Variants in AP3S1 observed in about 807,000 individuals in gnomAD.
The protein encoded by AP3S1 is AP-3 complex subunit sigma-1.
Under a neutral mutation model 21.3 loss-of-function variants are expected in AP3S1, and 12 were observed. The observed-to-expected ratio is 0.56, with a 90% CI of 0.36 to 0.91. The LOEUF is 0.91. AP3S1 is among the 40% of genes least tolerant of loss of function. The pLI is 0.01. For synonymous variants in AP3S1, 48 were observed against 78.4 expected, an observed-to-expected ratio of 0.61 and a Z score of 2.05; for missense variants, 116 against 225.0, an observed-to-expected ratio of 0.52 and a Z score of 3.10.
intron 1 of AP3S1, chr5:115,852,882 C>T (rs1025521635): frequency 2.6e-5 from 9 of 348,374 alleles, no homozygotes; most frequent in Non-Finnish European, 4.6e-5. Context: ...AATTGATGGA[C>T]ATCTGGGTTG....
At chr5:115,851,721 C>G (rs539638894) in intron 1 of AP3S1, among the ~76,000 whole-genome samples, 9 of 152,044 alleles carry the variant, frequency 5.9e-5, no homozygotes, top group African/African-American at 1.9e-4. Flanking sequence ...TATCAGTCTC[C>G]TGTTGTATAT....
chr5:115,878,541 G>T (rs574067167), intron 3 of AP3S1, among the ~76,000 whole-genome samples: 2 of 152,248 alleles, frequency 1.3e-5, no homozygotes, highest in Admixed American at 1.3e-4. Flanking sequence ...CCTCTGTCCT[G>T]TTCCCTTGGT....
At chr5:115,883,268 A>T (rs1009279759) in intron 3 of AP3S1, among the ~76,000 whole-genome samples, 2 of 152,172 alleles carry the variant, frequency 1.3e-5, no homozygotes, top group African/African-American at 2.4e-5. Flanking sequence ...AAACTCCTGC[A>T]GCTAGGTTGG....
At chr5:115,864,165 G>A (rs1195713146) in intron 1 of AP3S1, among the ~76,000 whole-genome samples, 48 of 152,194 alleles carry the variant, frequency 3.2e-4, no homozygotes, top group Admixed American at 3.1e-3. Context: ...TAATCCCTGA[G>A]CCTTGAAGGG....
intron 4 of AP3S1, among the ~76,000 whole-genome samples, chr5:115,901,526 A>C (rs1385819601): frequency 6.6e-6 from 1 of 151,762 alleles, no homozygotes. Context: ...CCATGCTTCC[A>C]AAATGAAAAA....
rs527815472 is a variant in AP3S1, at chr5:115,854,492, C to G, written c.70-12178C>G. Among the ~76,000 whole-genome samples the G allele has an allele frequency of 2.0e-5, 3 of 152,204 alleles. No individual in the cohort carries two copies. The East Asian group carries it at 5.8e-4, about 29-fold the overall frequency. ...TTTGGGATTTGAGGATACTGCTATC[C>G]TGATTGCTGGTTCTTTGCACACTCT... is the stretch of plus-strand genomic sequence containing the variant. On this transcript the variant is annotated intron_variant, in intron 1 of 5. Transcript: ENST00000316788.
rs1197035726 is a variant in AP3S1 at position 115,841,937 on chromosome 5, G to C, written c.-101G>C. 1 of 1,505,326 alleles carries C rather than the reference G, an allele frequency of 6.6e-7. No individual in the cohort carries two copies. The highest frequency in any genetic ancestry group is 8.9e-7 in the Non-Finnish European group (1 of 1,127,248). The allele number at this position is 1,505,326 out of a possible 1,614,324, so 93.2% of individuals were successfully genotyped here. On this transcript the variant is annotated 5_prime_UTR_variant, in exon 1 of 6. Coordinates refer to ENST00000316788, the MANE Select transcript of AP3S1 (RefSeq NM_001284.4). ...GAGCGCGCGCGGTCGCGTGCGGGAG[G>C]GGGCGGGTGGGGAAGGATCGCAGGC...
chr5:115,878,053 T>G (rs1441582340), intron 3 of AP3S1, among the ~76,000 whole-genome samples: 1 of 152,222 alleles, frequency 6.6e-6, no homozygotes. Flanking sequence ...GATTGTTTGC[T>G]TTTTCCTTGT....
At chr5:115,849,440 G>A (rs1397384494) in intron 1 of AP3S1, among the ~76,000 whole-genome samples, 1 of 152,200 alleles carries the variant, frequency 6.6e-6, no homozygotes, top group East Asian at 1.9e-4. Flanking sequence ...CACACTTGAT[G>A]TGTTCAGGAA....
At chr5:115,858,427 C>T (rs1160371140) in intron 1 of AP3S1, among the ~76,000 whole-genome samples, 2 of 152,022 alleles carry the variant, frequency 1.3e-5, no homozygotes, top group African/African-American at 4.8e-5. Flanking sequence ...TCATTTATAC[C>T]TTCCAAAAAG....
chr5:115,847,053 G>C (rs1762116405), intron 1 of AP3S1, among the ~76,000 whole-genome samples: 1 of 152,074 alleles, frequency 6.6e-6, no homozygotes, highest in Non-Finnish European at 1.5e-5. Flanking sequence ...TTATCCAAAG[G>C]CTGTTTTTCT....
intron 1 of AP3S1, among the ~76,000 whole-genome samples, chr5:115,858,197 C>T (rs911067141): frequency 6.6e-6 from 1 of 152,110 alleles, no homozygotes; most frequent in East Asian, 1.9e-4. Context: ...CCAGTAATAC[C>T]CTCCAGCAAT....
At chr5:115,846,658 T>C (rs188044802) in intron 1 of AP3S1, among the ~76,000 whole-genome samples, 1 of 152,130 alleles carries the variant, frequency 6.6e-6, no homozygotes, top group Admixed American at 6.5e-5. Flanking sequence ...GATCCATCCA[T>C]GTTCACTCAT....
chr5:115,869,756 T>C (rs982529712), intron 2 of AP3S1, among the ~76,000 whole-genome samples: 1 of 152,214 alleles, frequency 6.6e-6, no homozygotes, highest in African/African-American at 2.4e-5. Flanking sequence ...CTACCAGTGC[T>C]TGGCACATAG....
intron 3 of AP3S1, among the ~76,000 whole-genome samples, chr5:115,886,660 T>C (rs937934883): frequency 6.6e-6 from 1 of 152,202 alleles, no homozygotes; most frequent in African/African-American, 2.4e-5. Flanking sequence ...AGTCAAAAGT[T>C]GTACGCAGAT....
intron 4 of AP3S1, among the ~76,000 whole-genome samples, chr5:115,897,464 T>C (rs1378450604): frequency 6.6e-6 from 1 of 152,198 alleles, no homozygotes; most frequent in Non-Finnish European, 1.5e-5. Context: ...ATGAAAATTA[T>C]TTTCAACTTA....
Position 115,895,963 on chromosome 5 carries a change from A to G in AP3S1, c.345+805A>G, listed in dbSNP as rs558888408. On this transcript the variant is annotated intron_variant, in intron 4 of 5. Coordinates refer to ENST00000316788, the MANE Select transcript of AP3S1 (RefSeq NM_001284.4). The stretch of plus-strand genomic sequence containing the variant: ...GTATTAGTAGATATTTGTGATACGG[A>G]ACTTAGGAGGAAGAGATTCCACTTT... Among the ~76,000 whole-genome samples the G allele has an allele frequency of 4.6e-5, 7 of 152,314 alleles. No individual in the cohort carries two copies. In the South Asian group the frequency reaches 1.2e-3, roughly 27 times the overall value.
At chr5:115,908,056 A>G (rs867512597) in intron 5 of AP3S1, among the ~76,000 whole-genome samples, 37 of 152,252 alleles carry the variant, frequency 2.4e-4, no homozygotes, top group Middle Eastern at 3.4e-3. Flanking sequence ...TAGCCACTAA[A>G]TTTTTACTTA....
chr5:115,869,509 T>C (rs976440138), intron 2 of AP3S1, among the ~76,000 whole-genome samples: 1 of 152,204 alleles, frequency 6.6e-6, no homozygotes, highest in Admixed American at 6.5e-5. Context: ...ACATACATAC[T>C]TTGTTCTTGA....
Sources: allele counts gnomAD v4.1 joint callset (sites outside exome capture counted in the v4.1 genomes callset), GRCh38; gene constraint gnomAD v4.1.1; transcripts MANE v1.5; gene names NCBI Gene and HGNC (gene_info 2026-07-23, HGNC 2026-07-21).